POU6F2: variants seen among roughly 807,000 people sequenced by gnomAD.
POU6F2 encodes POU domain, class 6, transcription factor 2.
A neutral mutation model predicts 71.3 loss-of-function variants in POU6F2; 31 were observed. The observed-to-expected ratio is 0.43, with a 90% confidence interval of 0.33 to 0.59. The LOEUF is 0.59. Ranked by LOEUF, POU6F2 falls within the 20% of genes least tolerant of loss-of-function variation. POU6F2 has a pLI of 0.04. For missense variants in POU6F2, 783 were observed against 856.8 expected, an observed-to-expected ratio of 0.91 and a Z score of 1.07; for synonymous variants, 347 against 355.7, an observed-to-expected ratio of 0.98 and a Z score of 0.27.
intron 5 of POU6F2, among the ~76,000 whole-genome samples, chr7:39,371,263 T>A (rs1021580093): frequency 6.6e-6 from 1 of 151,396 alleles, no homozygotes; most frequent in Admixed American, 6.6e-5. Flanking sequence ...CACTGCAACC[T>A]CCGCCTCCCG....
At position 39,374,034 on chromosome 7, in the gene POU6F2, A is replaced by G. The variant is rs1786662920; in HGVS notation, c.973-32566A>G. Among the ~76,000 whole-genome samples, 5 of 152,234 alleles carry G rather than the reference A, an allele frequency of 3.3e-5. No homozygotes were observed. In the South Asian group the frequency reaches 1.0e-3, roughly 32 times the overall value. ...TCACATGGTTATTAAAGTCAGTCAA[A>G]TGCTGAACTTATATGTCAAACACTT... On this transcript the variant is annotated intron_variant, in intron 5 of 9. Coordinates refer to ENST00000518318, the MANE Select transcript of POU6F2 (RefSeq NM_001370959.1).
chr7:39,191,054 T>A (rs1793653194), intron 2 of POU6F2, among the ~76,000 whole-genome samples: 1 of 152,224 alleles, frequency 6.6e-6, no homozygotes, highest in African/African-American at 2.4e-5. Flanking sequence ...TTTGTTCGAC[T>A]TCCTATTGTC....
intron 2 of POU6F2, among the ~76,000 whole-genome samples, chr7:39,157,880 T>C (rs1792904078): frequency 1.3e-5 from 2 of 152,170 alleles, no homozygotes; most frequent in South Asian, 2.1e-4. Flanking sequence ...CTGGGGCCTA[T>C]AATAAAGCAG....
intron 6 of POU6F2, among the ~76,000 whole-genome samples, chr7:39,419,568 G>A (rs1787802921): frequency 6.6e-6 from 1 of 151,988 alleles, no homozygotes; most frequent in Admixed American, 6.6e-5. Flanking sequence ...ATATATTGAA[G>A]TTTTATGTGG....
chr7:38,985,412 C>G (rs1180069125), intron 1 of POU6F2, among the ~76,000 whole-genome samples: 1 of 151,738 alleles, frequency 6.6e-6, no homozygotes, highest in African/African-American at 2.4e-5. Flanking sequence ...GTCTTTGGGC[C>G]GAAACAATTT....
chr7:39,443,259 A>G (rs1416432544), intron 7 of POU6F2, among the ~76,000 whole-genome samples: 3 of 152,238 alleles, frequency 2.0e-5, no homozygotes, highest in African/African-American at 7.2e-5. Flanking sequence ...CAAATCCAAC[A>G]AAGTACACCC....
At chr7:39,026,237 A>G (rs1789797206) in intron 1 of POU6F2, among the ~76,000 whole-genome samples, 11 of 151,794 alleles carry the variant, frequency 7.2e-5, no homozygotes, top group Admixed American at 7.2e-4. Context: ...TGACCCAGCC[A>G]TCCCATTACT....
chr7:39,022,404 C>A (rs1210125061), intron 1 of POU6F2, among the ~76,000 whole-genome samples: 1 of 151,948 alleles, frequency 6.6e-6, no homozygotes, highest in Non-Finnish European at 1.5e-5. Context: ...TATCCCCCAC[C>A]CATCATTTTC....
intron 5 of POU6F2, among the ~76,000 whole-genome samples, chr7:39,349,599 A>G (rs1476960857): frequency 6.6e-6 from 1 of 152,146 alleles, no homozygotes; most frequent in Non-Finnish European, 1.5e-5. Flanking sequence ...TCCAAACAAC[A>G]GCTCACATCA....
intron 1 of POU6F2, among the ~76,000 whole-genome samples, chr7:39,078,469 A>T (rs549349803): frequency 6.6e-6 from 1 of 152,344 alleles, no homozygotes; most frequent in East Asian, 1.9e-4. Context: ...AATGCTGGTC[A>T]ATAAGGTACT....
intron 5 of POU6F2, among the ~76,000 whole-genome samples, chr7:39,342,594 G>A (rs1785941734): frequency 1.3e-5 from 2 of 152,078 alleles, no homozygotes; most frequent in South Asian, 4.1e-4. Flanking sequence ...AGTCAATTAG[G>A]TTTTTTGCTT....
intron 4 of POU6F2, among the ~76,000 whole-genome samples, chr7:39,323,697 T>TGGA: frequency 6.6e-6 from 1 of 152,210 alleles, no homozygotes; most frequent in African/African-American, 2.4e-5. Flanking sequence ...CCTATCTGTG[T>TGGA]TTTACAAAGA....
chr7:39,339,787 G>T lies in POU6F2; in HGVS notation c.744G>T (p.Pro248=). 1.3e-6 allele frequency: 2 copies of T among 1,572,892 alleles called. No homozygotes were observed. The highest frequency in any genetic ancestry group is 1.7e-6 in the Non-Finnish European group (2 of 1,159,962). The part of the protein sequence containing the change: ...PQAPSQSQQQ[P]LQPTPPQQPP... ...CGCCCTCGCAGTCCCAGCAGCAGCC[G>T]CTGCAGCCCACCCCACCCCAGCAGC... is the stretch of plus-strand genomic sequence containing the variant. Residue 248 remains proline, a synonymous_variant, in exon 5 of 10, where the codon CCG becomes CCT. Transcript: ENST00000518318.
intron 4 of POU6F2, among the ~76,000 whole-genome samples, chr7:39,271,849 T>C (rs984319737): frequency 1.3e-5 from 2 of 151,462 alleles, no homozygotes; most frequent in Non-Finnish European, 2.9e-5. Flanking sequence ...AAAAAAAAAA[T>C]CCTGGAAATG....
intron 4 of POU6F2, among the ~76,000 whole-genome samples, chr7:39,301,007 G>A (rs1784939711): frequency 6.6e-6 from 1 of 152,160 alleles, no homozygotes; most frequent in Admixed American, 6.5e-5. Context: ...TATCCCATTT[G>A]TGTTTTGAGG....
At position 39,290,462 on chromosome 7, in the gene POU6F2, A is replaced by G. The variant is rs1287421157; in HGVS notation, c.599-49180A>G. ...TCTCGATTCTAAACATGGGTAGGCT[A>G]TATTCCTTTTAATCAAGTTCTTCAA... On this transcript the variant is annotated intron_variant, in intron 4 of 9. Coordinates refer to ENST00000518318, the MANE Select transcript of POU6F2 (RefSeq NM_001370959.1). Among the ~76,000 whole-genome samples, 3 of 152,186 alleles carry G rather than the reference A, an allele frequency of 2.0e-5. No individual in the cohort carries two copies. The South Asian group carries it at 6.2e-4, about 31-fold the overall frequency.
intron 1 of POU6F2, among the ~76,000 whole-genome samples, chr7:38,997,109 G>A (rs1340048223): frequency 1.3e-5 from 2 of 152,058 alleles, no homozygotes; most frequent in Non-Finnish European, 2.9e-5. Flanking sequence ...AGGCAGTGGG[G>A]CTCTCACTGA....
At chr7:39,407,053 C>A (rs1260526916) in intron 6 of POU6F2, among the ~76,000 whole-genome samples, 1 of 152,052 alleles carries the variant, frequency 6.6e-6, no homozygotes, top group Non-Finnish European at 1.5e-5. Context: ...AAAAAAGTTA[C>A]ATCTTAAAAA....
At chr7:39,358,792 T>C (rs1376746260) in intron 5 of POU6F2, among the ~76,000 whole-genome samples, 2 of 151,860 alleles carry the variant, frequency 1.3e-5, no homozygotes, top group East Asian at 1.9e-4. Flanking sequence ...TCAGGTGTGC[T>C]TTATGGTCCT....
Sources: gnomAD v4.1 joint callset for allele counts (sites outside exome capture counted in the v4.1 genomes callset) on GRCh38, gnomAD v4.1.1 for gene constraint, MANE v1.5 for transcripts, NCBI Gene and HGNC (gene_info 2026-07-23, HGNC 2026-07-21) for gene names.